Variants in RBFOX1 observed in about 807,000 individuals in gnomAD.
The protein encoded by RBFOX1 is RNA binding protein fox-1 homolog 1.
RBFOX1 carries 8 observed loss-of-function variants against 57.7 expected under a neutral mutation model. That is an observed-to-expected ratio of 0.14 (90% CI 0.08 to 0.25). The LOEUF is 0.25. RBFOX1 is among the 10% of genes least tolerant of loss of function. The probability of loss-of-function intolerance (pLI) is 1.00; values close to 1 mark genes in which losing one functional copy is unlikely to be tolerated. For missense variants in RBFOX1, 611 were observed against 548.5 expected, an observed-to-expected ratio of 1.11 and a Z score of -1.14; for synonymous variants, 326 against 222.4, an observed-to-expected ratio of 1.47 and a Z score of -4.15.
intron 3 of RBFOX1, among the ~76,000 whole-genome samples, chr16:6,976,045 T>C (rs1318306836): frequency 6.6e-6 from 1 of 152,134 alleles, no homozygotes; most frequent in Non-Finnish European, 1.5e-5. Context: ...GTGAATTGCT[T>C]GAACCCAGTA....
intron 14 of RBFOX1, among the ~76,000 whole-genome samples, chr16:7,703,783 A>C (rs1184171580): frequency 6.6e-6 from 1 of 152,194 alleles, no homozygotes; most frequent in East Asian, 1.9e-4. Context: ...ACACAACCTT[A>C]AGTTCAAGTA....
At chr16:7,441,272 A>C (rs186759549) in intron 4 of RBFOX1, among the ~76,000 whole-genome samples, 1 of 152,214 alleles carries the variant, frequency 6.6e-6, no homozygotes, top group Non-Finnish European at 1.5e-5. Context: ...AACAATCAGC[A>C]TCAAAGGCCT....
chr16:6,256,247 G>GTGTATATATATATGTA (rs1555582517), intron 1 of RBFOX1, among the ~76,000 whole-genome samples: 21 of 78,346 alleles, frequency 2.7e-4, no homozygotes, highest in African/African-American at 1.2e-3. Flanking sequence ...ATATATATAT[G>GTGTATATATATATGTA]TATATATATG....
intron 3 of RBFOX1, among the ~76,000 whole-genome samples, chr16:5,718,155 G>A (rs558680961): frequency 1.3e-5 from 2 of 152,314 alleles, no homozygotes; most frequent in East Asian, 3.9e-4. Flanking sequence ...CCCTGCCATT[G>A]TCATGATCCT....
In RBFOX1 at chr16:6,942,116, G is replaced by C. The variant is rs116097090; in HGVS notation, c.-15-109941G>C. On this transcript the variant is annotated intron_variant, in intron 3 of 15. Coordinates refer to ENST00000550418, the MANE Select transcript of RBFOX1 (RefSeq NM_018723.4). ...TAGCCACGTGCAGTGGTGCACACCT[G>C]TAATCCCAGCTACTTGGGAGGCTGA... Among the ~76,000 whole-genome samples, 490 of 152,244 alleles carry C rather than the reference G, an allele frequency of 3.2e-3. 5 individuals carry two copies. The highest frequency in any genetic ancestry group is 0.011 in the African/African-American group (471 of 41,556).
chr16:6,265,610 C>T (rs1418501363), intron 1 of RBFOX1, among the ~76,000 whole-genome samples: 2 of 152,144 alleles, frequency 1.3e-5, no homozygotes, highest in Non-Finnish European at 2.9e-5. Context: ...ATTTAAAGAC[C>T]TGAAGCCTTC....
chr16:6,187,502 A>G (rs1261783117), intron 1 of RBFOX1, among the ~76,000 whole-genome samples: 1 of 152,102 alleles, frequency 6.6e-6, no homozygotes, highest in Non-Finnish European at 1.5e-5. Context: ...GGAATTTAAG[A>G]ATTACTGTAA....
chr16:7,690,939 T>C (rs1467251213), intron 14 of RBFOX1, among the ~76,000 whole-genome samples: 1 of 152,128 alleles, frequency 6.6e-6, no homozygotes, highest in East Asian at 1.9e-4. Context: ...CCAAAGCCAA[T>C]CTGATTTTAC....
chr16:6,565,226 G>T (rs1480090539), intron 2 of RBFOX1, among the ~76,000 whole-genome samples: 1 of 150,390 alleles, frequency 6.6e-6, no homozygotes, highest in Non-Finnish European at 1.5e-5. Flanking sequence ...ATAGCCATAG[G>T]CCCCCAAATG....
chr16:7,684,743 C>T (rs1391644633), intron 14 of RBFOX1, among the ~76,000 whole-genome samples: 1 of 151,836 alleles, frequency 6.6e-6, no homozygotes, highest in Non-Finnish European at 1.5e-5. Flanking sequence ...CTTGTTTTTT[C>T]CACCATTTCT....
chr16:7,038,599 C>T (rs1320324814), intron 3 of RBFOX1, among the ~76,000 whole-genome samples: 1 of 152,154 alleles, frequency 6.6e-6, no homozygotes, highest in Non-Finnish European at 1.5e-5. Context: ...TCAGACCAGC[C>T]AGGCTCTTCA....
chr16:7,430,217 C>T (rs2098665439), intron 4 of RBFOX1, among the ~76,000 whole-genome samples: 1 of 152,166 alleles, frequency 6.6e-6, no homozygotes, highest in African/African-American at 2.4e-5. Context: ...GTAACTATTC[C>T]AGCCTCATGT....
At chr16:6,615,700 A>G (rs971753233) in intron 2 of RBFOX1, among the ~76,000 whole-genome samples, 1 of 152,176 alleles carries the variant, frequency 6.6e-6, no homozygotes, top group African/African-American at 2.4e-5. Context: ...CCAGGAGAAC[A>G]TCAATGCAAA....
intron 3 of RBFOX1, among the ~76,000 whole-genome samples, chr16:5,850,235 G>A (rs1244407931): frequency 2.0e-5 from 3 of 152,162 alleles, no homozygotes; most frequent in African/African-American, 4.8e-5. Flanking sequence ...CATGAGGGAG[G>A]GAGAAAAGTG....
At chr16:7,522,745 G>A (rs1205778643) in intron 5 of RBFOX1, among the ~76,000 whole-genome samples, 1 of 152,146 alleles carries the variant, frequency 6.6e-6, no homozygotes, top group African/African-American at 2.4e-5. Context: ...GAAAGAAAGT[G>A]ATGAAGTGTT....
intron 2 of RBFOX1, chr16:6,483,333 C>T (rs1255144444): frequency 2.7e-6 from 4 of 1,471,344 alleles, no homozygotes; most frequent in Non-Finnish European, 3.6e-6. Context: ...TCTGCACCTG[C>T]TGGCGGTCGT....
chr16:7,332,661 TCTC>T, intron 4 of RBFOX1: 2 of 411,984 alleles, frequency 4.9e-6, no homozygotes, highest in Non-Finnish European at 6.5e-6. Flanking sequence ...GGTCTCTTGG[TCTC>T]TCTCTCTGTC....
chr16:7,073,897 GA>G (rs973134014), intron 4 of RBFOX1, among the ~76,000 whole-genome samples: 3 of 146,178 alleles, frequency 2.1e-5, no homozygotes, highest in Non-Finnish European at 3.0e-5. Flanking sequence ...GTGTAGAAAA[GA>G]AAAAAAAATT....
chr16:5,648,170 C>T (rs2049111113), intron 3 of RBFOX1, among the ~76,000 whole-genome samples: 1 of 152,122 alleles, frequency 6.6e-6, no homozygotes, highest in Admixed American at 6.6e-5. Context: ...ACCTTGTAGG[C>T]TTTTGATGAA....
Sources: gnomAD v4.1 joint callset for allele counts (sites outside exome capture counted in the v4.1 genomes callset) on GRCh38, gnomAD v4.1.1 for gene constraint, MANE v1.5 for transcripts, NCBI Gene and HGNC (gene_info 2026-07-23, HGNC 2026-07-21) for gene names.